The following RUNX1 variants were observed in gnomAD, a reference collection of about 807,000 sequenced individuals.
RUNX1 encodes the protein RUNX family transcription factor 1.
A neutral mutation model predicts 42.8 loss-of-function variants in RUNX1; 19 were observed. That is an observed-to-expected ratio of 0.44 (90% CI 0.31 to 0.65). The LOEUF is 0.65. Ranked by LOEUF, RUNX1 falls within the 30% of genes least tolerant of loss-of-function variation. The pLI, the probability that RUNX1 is intolerant of heterozygous loss-of-function variation, is 0.07. For missense variants in RUNX1, 528 were observed against 672.0 expected, an observed-to-expected ratio of 0.79 and a Z score of 2.37; for synonymous variants, 271 against 289.4, an observed-to-expected ratio of 0.94 and a Z score of 0.64.
intron 7 of RUNX1, chr21:34,832,821 G>A (rs977964325): frequency 2.0e-4 from 31 of 152,196 alleles, no homozygotes; most frequent in African/African-American, 7.5e-4. Flanking sequence ...GAAACCAGTG[G>A]TTTCATGGAT....
intron 2 of RUNX1, among the ~76,000 whole-genome samples, chr21:34,940,927 C>A (rs2058522119): frequency 6.6e-6 from 1 of 152,200 alleles, no homozygotes; most frequent in Non-Finnish European, 1.5e-5. Context: ...TTCTCAATGG[C>A]AGCAATGAGC....
intron 3 of RUNX1, chr21:34,888,263 C>T (rs2058026888): frequency 3.4e-5 from 36 of 1,067,138 alleles, no homozygotes; most frequent in Non-Finnish European, 3.9e-5. Flanking sequence ...GTGGAGCGGG[C>T]CTTGAGGGAG....
At chr21:35,002,605 T>C (rs1236870720) in intron 2 of RUNX1, among the ~76,000 whole-genome samples, 1 of 151,876 alleles carries the variant, frequency 6.6e-6, no homozygotes, top group Non-Finnish European at 1.5e-5. Context: ...TTTTTGTATT[T>C]TTAGTAGAGA....
At chr21:34,848,658 C>A (rs943734498) in intron 6 of RUNX1, among the ~76,000 whole-genome samples, 1 of 152,202 alleles carries the variant, frequency 6.6e-6, no homozygotes, top group African/African-American at 2.4e-5. Context: ...TGGTCTCGAA[C>A]TCCTGACCTC....
At chr21:35,001,678 C>T (rs957196409) in intron 2 of RUNX1, among the ~76,000 whole-genome samples, 3 of 152,092 alleles carry the variant, frequency 2.0e-5, no homozygotes, top group Non-Finnish European at 4.4e-5. Flanking sequence ...ATAAAAGACA[C>T]CCAAATTGGA....
chr21:34,947,547 C>G (rs566962877), intron 2 of RUNX1, among the ~76,000 whole-genome samples: 2 of 152,142 alleles, frequency 1.3e-5, no homozygotes, highest in African/African-American at 4.8e-5. Context: ...TATAAGGAAG[C>G]CCCTGTCTTT....
chr21:34,991,726 C>T (rs937651081), intron 2 of RUNX1, among the ~76,000 whole-genome samples: 5 of 152,124 alleles, frequency 3.3e-5, no homozygotes, highest in African/African-American at 1.2e-4. Context: ...GTAGTGTTCC[C>T]CAAAGTTCAT....
intron 2 of RUNX1, among the ~76,000 whole-genome samples, chr21:35,036,818 C>T (rs141593708): frequency 7.0e-4 from 106 of 152,306 alleles, no homozygotes; most frequent in African/African-American, 2.4e-3. Flanking sequence ...CTTCTGGCTA[C>T]GATTTTTATT....
chr21:34,875,884 T>A (rs535713568), intron 5 of RUNX1, among the ~76,000 whole-genome samples: 1 of 152,162 alleles, frequency 6.6e-6, no homozygotes, highest in Admixed American at 6.5e-5. Flanking sequence ...TAGAATAATT[T>A]AAGAATGAAA....
intron 2 of RUNX1, among the ~76,000 whole-genome samples, chr21:35,002,513 C>T (rs1336077121): frequency 6.6e-6 from 1 of 151,810 alleles, no homozygotes; most frequent in Non-Finnish European, 1.5e-5. Context: ...CTGCAACCTC[C>T]ACCTCCCAGG....
At chr21:34,861,416 G>A (rs959180894) in intron 5 of RUNX1, among the ~76,000 whole-genome samples, 5 of 152,158 alleles carry the variant, frequency 3.3e-5, no homozygotes, top group African/African-American at 1.2e-4. Context: ...AGCCACAGAC[G>A]GGGAGCAGCC....
chr21:34,915,291 A>C (rs1009162110), intron 2 of RUNX1, among the ~76,000 whole-genome samples: 8 of 152,242 alleles, frequency 5.3e-5, no homozygotes, highest in African/African-American at 9.6e-5. Context: ...AATTGAAGGG[A>C]AGAATTAATG....
intron 2 of RUNX1, among the ~76,000 whole-genome samples, chr21:34,971,431 C>T (rs185174594): frequency 1.3e-5 from 2 of 152,078 alleles, no homozygotes; most frequent in Non-Finnish European, 2.9e-5. Flanking sequence ...AATTCTTTTG[C>T]TTTATCTTAA....
At chr21:35,011,780 G>T (rs1345408863) in intron 2 of RUNX1, among the ~76,000 whole-genome samples, 1 of 152,152 alleles carries the variant, frequency 6.6e-6, no homozygotes, top group African/African-American at 2.4e-5. Flanking sequence ...GTAAGATTTA[G>T]GGCACCCTCG....
At chr21:34,799,554 A>G (rs1189573152) in intron 7 of RUNX1, 92 bp from the exon 8 acceptor site, 3 of 1,144,996 alleles carry the variant, frequency 2.6e-6, no homozygotes, top group Non-Finnish European at 3.9e-6. Flanking sequence ...TTGTTCAAAT[A>G]TGTCACATAC....
intron 2 of RUNX1, among the ~76,000 whole-genome samples, chr21:35,044,731 G>A (rs943819585): frequency 1.3e-5 from 2 of 152,188 alleles, no homozygotes; most frequent in African/African-American, 2.4e-5. Flanking sequence ...CACAGCGGCT[G>A]TGCAGCCGTC....
intron 2 of RUNX1, among the ~76,000 whole-genome samples, chr21:34,948,563 G>A (rs1301689653): frequency 1.3e-5 from 2 of 152,092 alleles, no homozygotes; most frequent in Non-Finnish European, 2.9e-5. Context: ...GTGAGAATGT[G>A]GGATGAGAAT....
chr21:34,813,271 C>T (rs2056781446), intron 7 of RUNX1, among the ~76,000 whole-genome samples: 1 of 152,078 alleles, frequency 6.6e-6, no homozygotes, highest in Non-Finnish European at 1.5e-5. Flanking sequence ...CAAGATCAAG[C>T]GTGCCCTAAA....
chr21:34,940,169 G>A (rs192365869), intron 2 of RUNX1, among the ~76,000 whole-genome samples: 1 of 152,146 alleles, frequency 6.6e-6, no homozygotes, highest in Non-Finnish European at 1.5e-5. Context: ...AAAAATGCCA[G>A]AAAGTGGCTA....
Sources: gnomAD v4.1 joint callset for allele counts (sites outside exome capture counted in the v4.1 genomes callset) on GRCh38, gnomAD v4.1.1 for gene constraint, MANE v1.5 for transcripts, NCBI Gene and HGNC (gene_info 2026-07-23, HGNC 2026-07-21) for gene names.